ACCSL: variants seen among roughly 807,000 people sequenced by gnomAD.
The protein encoded by ACCSL is 1-aminocyclopropane-1-carboxylate synthase homolog (inactive) like, also known as probable inactive 1-aminocyclopropane-1-carboxylate synthase-like protein 2.
ACCSL carries 55 observed loss-of-function variants against 61.7 expected under a neutral mutation model. The observed-to-expected ratio is 0.89, with a 90% confidence interval of 0.72 to 1.12. ACCSL has a LOEUF of 1.12. ACCSL is among the 50% of genes most tolerant of loss of function. The pLI, the probability that ACCSL is intolerant of heterozygous loss-of-function variation, is 0.00. For missense variants in ACCSL, 632 were observed against 698.0 expected, an observed-to-expected ratio of 0.91 and a Z score of 1.07; for synonymous variants, 258 against 264.3, an observed-to-expected ratio of 0.98 and a Z score of 0.23.
At chr11:43,923,948 G>A in the ACCSL span, among the ~76,000 whole-genome samples, 7 of 152,180 alleles carry the variant, frequency 4.6e-5, no homozygotes, top group African/African-American at 7.2e-5. Flanking sequence ...TAGGAGCAGT[G>A]ATGTCACGCT....
chr11:43,987,641 G>C, the ACCSL span, among the ~76,000 whole-genome samples: 2 of 152,044 alleles, frequency 1.3e-5, no homozygotes, highest in Non-Finnish European at 2.9e-5. Context: ...TCCCTGGCTG[G>C]CTCTGCCTCC....
At chr11:43,946,046 A>T in the ACCSL span, among the ~76,000 whole-genome samples, 1 of 152,140 alleles carries the variant, frequency 6.6e-6, no homozygotes, top group Non-Finnish European at 1.5e-5. Context: ...GGTGCTGAGG[A>T]AAATCCATTC....
chr11:43,938,756 T>G, the ACCSL span, among the ~76,000 whole-genome samples: 1 of 152,106 alleles, frequency 6.6e-6, no homozygotes, highest in African/African-American at 2.4e-5. Flanking sequence ...GAACCGAGAT[T>G]GCACCACTAC....
rs1952669746 is a variant in ACCSL at position 44,056,104 on chromosome 11, T to A, written c.1185+19T>A. 6.2e-7 allele frequency: 1 copy of A among 1,614,206 alleles called. No individual in the cohort carries two copies. The highest frequency in any genetic ancestry group is 2.2e-5 in the East Asian group (1 of 44,892). On this transcript the variant is annotated intron_variant, in intron 10 of 13. Transcript: ENST00000378832. ...CAGTAAGGTGAGCCATTGCTTTCTCTCCTTGGCTAGGGAAGGAGGAGGAGC... is the reference window on the plus strand; with the variant it reads ...CAGTAAGGTGAGCCATTGCTTTCTCACCTTGGCTAGGGAAGGAGGAGGAGC...
the ACCSL span, among the ~76,000 whole-genome samples, chr11:43,929,574 T>C: frequency 6.6e-6 from 1 of 152,180 alleles, no homozygotes; most frequent in African/African-American, 2.4e-5. Context: ...GCCCGGCTCA[T>C]TTTTGTATTT....
chr11:44,027,876 C>T, the ACCSL span, among the ~76,000 whole-genome samples: 8 of 152,246 alleles, frequency 5.3e-5, no homozygotes, highest in South Asian at 2.1e-4. Flanking sequence ...GTGAGTCAAT[C>T]GATCTAAGCT....
At chr11:44,056,979 T>C (rs1168066508) in intron 11 of ACCSL, among the ~76,000 whole-genome samples, 1 of 152,238 alleles carries the variant, frequency 6.6e-6, no homozygotes, top group Non-Finnish European at 1.5e-5. Context: ...ATATAGATTT[T>C]CCCTCCCCAA....
At chr11:43,923,739 C>CCCCA in the ACCSL span, among the ~76,000 whole-genome samples, 1 of 152,220 alleles carries the variant, frequency 6.6e-6, no homozygotes, top group East Asian at 1.9e-4. Context: ...TTGGGCTGAG[C>CCCCA]TGTCTGTTAG....
At chr11:43,988,720 T>C in the ACCSL span, among the ~76,000 whole-genome samples, 1 of 151,636 alleles carries the variant, frequency 6.6e-6, no homozygotes. Flanking sequence ...AGAAACAGGC[T>C]GCAGGGCAAG....
At chr11:43,937,293 G>A in the ACCSL span, among the ~76,000 whole-genome samples, 1 of 152,170 alleles carries the variant, frequency 6.6e-6, no homozygotes, top group East Asian at 1.9e-4. Flanking sequence ...CAGACAAGAA[G>A]ACCCTTTAGA....
At chr11:43,984,063 G>A in the ACCSL span, among the ~76,000 whole-genome samples, 2 of 152,056 alleles carry the variant, frequency 1.3e-5, no homozygotes, top group African/African-American at 4.8e-5. Context: ...GTTGCAGTGA[G>A]CCAAGATCGT....
At chr11:43,980,110 C>A in the ACCSL span, among the ~76,000 whole-genome samples, 10 of 152,176 alleles carry the variant, frequency 6.6e-5, no homozygotes, top group African/African-American at 2.4e-4. Flanking sequence ...AAATCTCAGT[C>A]TTCCTTTCTT....
the ACCSL span, among the ~76,000 whole-genome samples, chr11:43,949,631 A>T: frequency 1.3e-3 from 198 of 152,230 alleles, no homozygotes; most frequent in Non-Finnish European, 1.0e-3. Context: ...CCTGGCCAAC[A>T]TGGTGAAACC....
chr11:44,040,381 G>C, the ACCSL span, among the ~76,000 whole-genome samples: 1 of 152,082 alleles, frequency 6.6e-6, no homozygotes, highest in Admixed American at 6.5e-5. Context: ...TTTGAGAACC[G>C]TGGCTTCAAT....
At chr11:44,040,591 C>T in the ACCSL span, among the ~76,000 whole-genome samples, 14 of 152,182 alleles carry the variant, frequency 9.2e-5, no homozygotes, top group Admixed American at 5.2e-4. Flanking sequence ...GTGAGGAGGG[C>T]GGCAGAGCAG....
At chr11:44,053,347 G>A in intron 7 of ACCSL, 59 bp from the exon 8 acceptor site, 1 of 1,551,086 alleles carries the variant, frequency 6.4e-7, no homozygotes, top group Non-Finnish European at 8.9e-7. Context: ...ATCCTTGGCT[G>A]AATTTAGGGT....
intron 5 of ACCSL, 109 bp from the exon 6 acceptor site, chr11:44,052,553 C>T (rs914775110): frequency 3.4e-6 from 3 of 874,258 alleles, no homozygotes; most frequent in East Asian, 2.4e-5. Context: ...TAGAAAGGAT[C>T]GTGAAACTGA....
chr11:43,947,653 TAGGATCAGGAGCCAG>T, the ACCSL span, among the ~76,000 whole-genome samples: 2 of 150,280 alleles, frequency 1.3e-5, no homozygotes, highest in Non-Finnish European at 3.0e-5. Flanking sequence ...TGCAGGGGAA[TAGGATCAGGAGCCAG>T]AGGATGTTGG....
chr11:44,014,127 C>T, the ACCSL span, among the ~76,000 whole-genome samples: 5 of 152,176 alleles, frequency 3.3e-5, no homozygotes, highest in Non-Finnish European at 5.9e-5. Context: ...AGTTATATAC[C>T]GCTGTGAAAC....
Sources: allele counts gnomAD v4.1 joint callset (sites outside exome capture counted in the v4.1 genomes callset), GRCh38; gene constraint gnomAD v4.1.1; transcripts MANE v1.5; gene names NCBI Gene and HGNC (gene_info 2026-07-23, HGNC 2026-07-21).